PHLDB2: variants seen among roughly 807,000 people sequenced by gnomAD.
The protein encoded by PHLDB2 is pleckstrin homology-like domain family B member 2.
Under a neutral mutation model 123.6 loss-of-function variants are expected in PHLDB2, and 71 were observed. That is an observed-to-expected ratio of 0.57 (90% CI 0.47 to 0.70). The LOEUF (loss-of-function observed/expected upper bound fraction) is 0.70. Ranked by LOEUF, PHLDB2 falls within the 30% of genes least tolerant of loss-of-function variation. The probability of loss-of-function intolerance (pLI) is 0.00; values close to 1 mark genes in which losing one functional copy is unlikely to be tolerated. For missense variants in PHLDB2, 1,446 were observed against 1,519.5 expected (o/e 0.95, Z 0.80); for synonymous variants, 547 against 541.6 (o/e 1.01, Z -0.14).
At chr3:111,830,955 G>GAGAAAGAAGGAAAGAA (rs1553736317) in intron 1 of PHLDB2, among the ~76,000 whole-genome samples, 7 of 63,662 alleles carry the variant, frequency 1.1e-4, no homozygotes, top group African/African-American at 5.2e-4. Flanking sequence ...AAGAAAGAAA[G>GAGAAAGAAGGAAAGAA]AGAAAGAAAG....
chr3:111,839,940 CTTTTTTTT>C (rs3082317), intron 1 of PHLDB2, among the ~76,000 whole-genome samples: 2 of 64,940 alleles, frequency 3.1e-5, no homozygotes, highest in Non-Finnish European at 5.1e-5. Flanking sequence ...CCCACCCCCG[CTTTTTTTT>C]TTTTTTTTTT....
intron 2 of PHLDB2, among the ~76,000 whole-genome samples, chr3:111,908,955 T>C (rs949081555): frequency 6.6e-6 from 1 of 152,180 alleles, no homozygotes; most frequent in Admixed American, 6.5e-5. Flanking sequence ...ACTTTAGGGC[T>C]GTTGTAATCC....
chr3:111,816,289 T>C (rs2062074117), intron 1 of PHLDB2, among the ~76,000 whole-genome samples: 1 of 152,034 alleles, frequency 6.6e-6, no homozygotes, highest in Non-Finnish European at 1.5e-5. Context: ...GAATGGTAGA[T>C]CCACTGACAG....
intron 1 of PHLDB2, among the ~76,000 whole-genome samples, chr3:111,828,707 G>A (rs1269970157): frequency 6.6e-6 from 1 of 152,094 alleles, no homozygotes; most frequent in African/African-American, 2.4e-5. Context: ...TTTGAGCCTG[G>A]AGGCAGAGGA....
intron 1 of PHLDB2, among the ~76,000 whole-genome samples, chr3:111,761,046 G>C (rs960810875): frequency 6.6e-6 from 1 of 151,932 alleles, no homozygotes; most frequent in Non-Finnish European, 1.5e-5. Context: ...TTATCTGCGC[G>C]TGGTGGTGCG....
intron 2 of PHLDB2, among the ~76,000 whole-genome samples, chr3:111,889,441 C>G (rs2107359651): frequency 6.6e-6 from 1 of 151,900 alleles, no homozygotes; most frequent in African/African-American, 2.4e-5. Flanking sequence ...GTGGCTTACA[C>G]TTGTAATCCC....
upstream of PHLDB2, chr3:111,859,060 C>T: frequency 1.8e-5 from 8 of 452,352 alleles, no homozygotes; most frequent in Non-Finnish European, 2.0e-5. Flanking sequence ...CAGTCCTTAG[C>T]TCAGGCCGTT....
chr3:111,803,544 C>T (rs772210791), intron 1 of PHLDB2, among the ~76,000 whole-genome samples: 29 of 151,896 alleles, frequency 1.9e-4, no homozygotes, highest in Non-Finnish European at 3.7e-4. Context: ...GCATTTGAGT[C>T]AATTTTCAGT....
At chr3:111,932,557 A>G (rs1173710602) in intron 6 of PHLDB2, among the ~76,000 whole-genome samples, 160 bp downstream of exon 6, 2 of 152,238 alleles carry the variant, frequency 1.3e-5, no homozygotes, top group African/African-American at 4.8e-5. Context: ...AACAGTATAT[A>G]TTATTCCATG....
chr3:111,845,846 T>G, exon 2 of PHLDB2: 1 of 1,614,086 alleles, frequency 6.2e-7, no homozygotes, highest in Non-Finnish European at 8.5e-7. Context: ...AGTTTATCCT[T>G]TGAGATTCAG....
chr3:111,953,519 C>T (rs567641978), intron 11 of PHLDB2, among the ~76,000 whole-genome samples: 3 of 152,266 alleles, frequency 2.0e-5, no homozygotes. Flanking sequence ...TTCAACCCAC[C>T]GCATAACAGG....
intron 1 of PHLDB2, among the ~76,000 whole-genome samples, chr3:111,826,815 T>C (rs1576760717): frequency 6.6e-6 from 1 of 151,964 alleles, no homozygotes; most frequent in Non-Finnish European, 1.5e-5. Context: ...TGAGAGAAGG[T>C]TCTATGGCTC....
intron 2 of PHLDB2, chr3:111,911,819 A>G: frequency 1.0e-6 from 1 of 970,230 alleles, no homozygotes; most frequent in Non-Finnish European, 1.6e-6. Flanking sequence ...GGGCAAATGT[A>G]AGTCAGATAC....
Position 111,913,600 on chromosome 3 carries a change from G to C in PHLDB2, c.1617G>C (p.Arg539Ser). 2 of 1,614,098 alleles carry C rather than the reference G, an allele frequency of 1.2e-6. No homozygotes were observed. The highest frequency in any genetic ancestry group is 1.7e-6 in the Non-Finnish European group (2 of 1,180,012). ...GCTTCTTTACCCCCAGGAGCACCAG[G>C]AATGATGAACTACTCAGTGACCTCA... Reference protein sequence around the residue: ...SASFFTPRSTRNDELLSDLTR... With the variant: ...SASFFTPRSTSNDELLSDLTR... The change falls in exon 3 of 18, where the codon AGG (arginine) becomes AGC (serine). Residue 539 changes from arginine (R) to serine (S), a missense_variant. Physicochemically the swap from Arg to Ser is moderately radical, Grantham distance 110. Around this residue, in one of 3 missense-constraint regions of PHLDB2, gnomAD observed 832 missense variants for 831.9 expected, o/e 1.00. Transcript: ENST00000431670.
intron 1 of PHLDB2, among the ~76,000 whole-genome samples, chr3:111,759,506 AT>A (rs2059957967): frequency 6.6e-6 from 1 of 152,160 alleles, no homozygotes; most frequent in Non-Finnish European, 1.5e-5. Context: ...TTTTATATAT[AT>A]TTACATGTAT....
intron 2 of PHLDB2, among the ~76,000 whole-genome samples, chr3:111,902,380 C>T (rs2067251421): frequency 6.6e-6 from 1 of 152,092 alleles, no homozygotes; most frequent in Non-Finnish European, 1.5e-5. Flanking sequence ...ATCACTTGAG[C>T]CCAGGAGATT....
At chr3:111,862,378 TATCTTA>T (rs896913750) in intron 1 of PHLDB2, among the ~76,000 whole-genome samples, 2 of 152,204 alleles carry the variant, frequency 1.3e-5, no homozygotes, top group African/African-American at 4.8e-5. Context: ...TGATGTGCTT[TATCTTA>T]AAGTCCTGAC....
At chr3:111,895,274 G>A (rs959331404) in intron 2 of PHLDB2, among the ~76,000 whole-genome samples, 1 of 152,138 alleles carries the variant, frequency 6.6e-6, no homozygotes, top group Admixed American at 6.5e-5. Context: ...ATTGCCTCTT[G>A]ATGGTGCCAT....
chr3:111,932,571 A>T (rs2069204664), intron 6 of PHLDB2, among the ~76,000 whole-genome samples, 174 bp downstream of exon 6: 2 of 152,202 alleles, frequency 1.3e-5, no homozygotes, highest in Non-Finnish European at 2.9e-5. Context: ...TTCCATGCTA[A>T]TCAGTTTTTA....
Sources: gnomAD v4.1 joint callset for allele counts (sites outside exome capture counted in the v4.1 genomes callset) on GRCh38, gnomAD v4.1.1 for gene constraint, gnomAD v4.1.1 regional missense constraint, MANE v1.5 for transcripts, NCBI Gene and HGNC (gene_info 2026-07-23, HGNC 2026-07-21) for gene names.